Variants in DHX32 observed in about 807,000 individuals in gnomAD.
The protein encoded by DHX32 is putative pre-mRNA-splicing factor ATP-dependent RNA helicase DHX32.
DHX32 carries 51 observed loss-of-function variants against 70.0 expected under a neutral mutation model. The ratio of observed to expected loss-of-function variants is 0.73; its 90% confidence interval spans 0.58 to 0.92. The LOEUF (loss-of-function observed/expected upper bound fraction) is 0.92, where lower values mean the gene tolerates loss of function less well. Among genes scored for constraint, DHX32 ranks in the 40% least tolerant of loss-of-function variants. The pLI is 0.00. For synonymous variants in DHX32, 310 were observed against 315.3 expected (o/e 0.98, Z 0.18); for missense variants, 762 against 891.8 (o/e 0.85, Z 1.85).
intron 1 of DHX32, among the ~76,000 whole-genome samples, chr10:125,889,261 G>A (rs1405957751): frequency 2.0e-5 from 3 of 152,076 alleles, no homozygotes; most frequent in East Asian, 1.9e-4. Context: ...TTCTGAGCCC[G>A]CTTTGCAACT....
chr10:125,847,939 A>G (rs1303885535), intron 6 of DHX32, among the ~76,000 whole-genome samples: 2 of 151,798 alleles, frequency 1.3e-5, no homozygotes, highest in Non-Finnish European at 2.9e-5. Context: ...CTTGCCCCCC[A>G]CTCACCTCCT....
Position 125,867,130 on chromosome 10 carries a change from G to C in DHX32, c.336C>G (p.Gly112=). ...GCTTGTGGACCTGTGTGCATATCACGCCCCCGTGCTGGTAGTGGATGGAAA... is the reference window on the plus strand; with the variant it reads ...GCTTGTGGACCTGTGTGCATATCACCCCCCCGTGCTGGTAGTGGATGGAAA... ...YCLSIHYQHG[G]VICTQVHKQT... Residue 112 remains glycine, a synonymous_variant, in exon 2 of 11, where the codon GGC becomes GGG. Transcript: ENST00000284690. 6.2e-7 allele frequency: 1 copy of C among 1,614,138 alleles called. No individual in the cohort carries two copies. The highest frequency in any genetic ancestry group is 8.5e-7 in the Non-Finnish European group (1 of 1,180,028).
chr10:125,887,563 T>G (rs1327102009), intron 1 of DHX32, among the ~76,000 whole-genome samples: 1 of 152,212 alleles, frequency 6.6e-6, no homozygotes, highest in East Asian at 1.9e-4. Flanking sequence ...TTTACTCTTT[T>G]TTTCCTTAAA....
At chr10:125,862,944 G>C (rs1031208600) in intron 2 of DHX32, among the ~76,000 whole-genome samples, 2 of 151,882 alleles carry the variant, frequency 1.3e-5, no homozygotes, top group African/African-American at 2.4e-5. Context: ...TTGTGTGTAT[G>C]ATACTTTAAA....
At chr10:125,842,090 A>G in intron 6 of DHX32, 156 bp from the exon 7 acceptor site, 1 of 1,025,198 alleles carries the variant, frequency 9.8e-7, no homozygotes, top group Non-Finnish European at 1.3e-6. Flanking sequence ...AGTGAAGGAT[A>G]GTGATTCTTG....
chr10:125,851,281 A>T (rs1293534492), intron 6 of DHX32, among the ~76,000 whole-genome samples: 1 of 152,350 alleles, frequency 6.6e-6, no homozygotes, highest in Non-Finnish European at 1.5e-5. Context: ...CACAGCAGAA[A>T]AGTTATGTGT....
intron 7 of DHX32, 53 bp downstream of exon 7, chr10:125,841,690 C>A: frequency 6.3e-7 from 1 of 1,582,206 alleles, no homozygotes; most frequent in Non-Finnish European, 8.5e-7. Flanking sequence ...CGATCTAAAT[C>A]TATACCTAGT....
chr10:125,870,125 G>C (rs1944247408), intron 1 of DHX32, among the ~76,000 whole-genome samples: 1 of 152,122 alleles, frequency 6.6e-6, no homozygotes, highest in Non-Finnish European at 1.5e-5. Flanking sequence ...AGTTCTTTTG[G>C]GGGGAATCAG....
intron 1 of DHX32, among the ~76,000 whole-genome samples, chr10:125,895,722 C>G (rs1284367250): frequency 6.6e-6 from 1 of 152,412 alleles, no homozygotes; most frequent in Non-Finnish European, 1.5e-5. Context: ...ACGCGAAGGA[C>G]TGAAACAAAT....
chr10:125,884,737 T>TA (rs1944333663), upstream of DHX32, among the ~76,000 whole-genome samples: 1 of 152,160 alleles, frequency 6.6e-6, no homozygotes, highest in Non-Finnish European at 1.5e-5. Context: ...GCAAAAGCAT[T>TA]AATTTGTCCT....
intron 6 of DHX32, among the ~76,000 whole-genome samples, chr10:125,849,760 C>G (rs370241166): frequency 6.6e-6 from 1 of 152,126 alleles, no homozygotes; most frequent in South Asian, 2.1e-4. Flanking sequence ...GTAAATGTTA[C>G]GTTAACATTT....
intron 1 of DHX32, among the ~76,000 whole-genome samples, chr10:125,875,149 G>A (rs1207830138): frequency 1.3e-5 from 2 of 152,080 alleles, no homozygotes; most frequent in Non-Finnish European, 2.9e-5. Context: ...AGCCCAGGAT[G>A]TTGAGGTTGC....
chr10:125,853,783 G>T, intron 4 of DHX32, 178 bp downstream of exon 4: 2 of 664,416 alleles, frequency 3.0e-6, no homozygotes, highest in South Asian at 2.5e-5. Flanking sequence ...ACATGCTAAT[G>T]GAATCAAGAC....
At chr10:125,887,759 C>T in intron 1 of DHX32, among the ~76,000 whole-genome samples, 1 of 152,036 alleles carries the variant, frequency 6.6e-6, no homozygotes, top group South Asian at 2.1e-4. Flanking sequence ...GAGGTGCACA[C>T]CACCATGCCT....
At chr10:125,861,541 G>A (rs1387652397) in intron 2 of DHX32, among the ~76,000 whole-genome samples, 1 of 152,124 alleles carries the variant, frequency 6.6e-6, no homozygotes, top group South Asian at 2.1e-4. Context: ...CAGGCAATAT[G>A]TTTTACGCTG....
intron 1 of DHX32, among the ~76,000 whole-genome samples, chr10:125,872,344 T>C (rs1405719130): frequency 1.3e-5 from 2 of 152,238 alleles, no homozygotes; most frequent in Non-Finnish European, 2.9e-5. Context: ...GTTGGCACTA[T>C]GGGAATTAGA....
chr10:125,854,021 C>T lies in DHX32; in HGVS notation c.1032G>A (p.Glu344=). The change falls in exon 4 of 11, where the codon GAG becomes GAA. Residue 344 remains glutamate (E), a synonymous_variant. Transcript: ENST00000284690. ...TGACTGAGTTGCTCCAGATCAAAAA[C>T]TCTCCAGAGCTAGTAGTTAACACCA... ...RRVVLTTSSG[E]FLIWSNSVRF... 1 of 1,614,068 alleles carries T rather than the reference C, an allele frequency of 6.2e-7. No homozygotes were observed. The highest frequency in any genetic ancestry group is 1.3e-5 in the African/African-American group (1 of 75,054).
At chr10:125,836,877 A>G (rs1458717839) in intron 10 of DHX32, 22 bp from the exon 11 acceptor site, 8 of 1,608,268 alleles carry the variant, frequency 5.0e-6, no homozygotes, top group Non-Finnish European at 6.8e-6. Flanking sequence ...AGACAAAAAG[A>G]TGAGATTATG....
intron 6 of DHX32, among the ~76,000 whole-genome samples, chr10:125,851,750 T>C (rs1167264422): frequency 6.6e-6 from 1 of 151,894 alleles, no homozygotes; most frequent in Non-Finnish European, 1.5e-5. Context: ...AAAAGAAATC[T>C]ACATCTACAA....
Sources: allele counts gnomAD v4.1 joint callset (sites outside exome capture counted in the v4.1 genomes callset), GRCh38; gene constraint gnomAD v4.1.1; transcripts MANE v1.5; gene names NCBI Gene and HGNC (gene_info 2026-07-23, HGNC 2026-07-21).